Variants in MAPKAP1 observed in about 807,000 individuals in gnomAD.
The protein encoded by MAPKAP1 is target of rapamycin complex 2 subunit MAPKAP1.
MAPKAP1 carries 20 observed loss-of-function variants against 65.7 expected under a neutral mutation model. That is an observed-to-expected ratio of 0.30 (90% CI 0.21 to 0.44). The LOEUF (loss-of-function observed/expected upper bound fraction) is 0.44, where lower values mean the gene tolerates loss of function less well. MAPKAP1 is among the 20% of genes least tolerant of loss of function. The pLI is 1.00. For missense variants in MAPKAP1, 423 were observed against 648.0 expected (o/e 0.65, Z 3.77); for synonymous variants, 222 against 244.3 (o/e 0.91, Z 0.85).
In MAPKAP1 at chr9:125,506,416, G is replaced by T; in HGVS notation, c.960C>A (p.Gly320=). The part of the protein sequence containing the change: ...KRRKGSQKVS[G]PQYRLEKQSE... ...TCTGCTTCTCCAGGCGGTACTGAGG[G>T]CCTGGAAGATCAAAGGGGCAGGAGG... is the stretch of plus-strand genomic sequence containing the variant. The change falls in exon 8 of 12, where the codon GGC becomes GGA. Residue 320 remains glycine (G), a splice_region_variant and synonymous_variant. Transcript: ENST00000265960. 2 of 1,613,842 alleles carry T rather than the reference G, an allele frequency of 1.2e-6. No homozygotes were observed. Among genetic ancestry groups the T allele is most frequent in the Non-Finnish European group, 1.7e-6 (2 of 1,179,818 alleles).
At position 125,439,278 on chromosome 9, in the gene MAPKAP1, G is replaced by A. The variant is rs375717413; in HGVS notation, c.1444-266C>T. Among the ~76,000 whole-genome samples the A allele has an allele frequency of 2.0e-5, 3 of 152,252 alleles. No homozygotes were observed. The highest frequency in any genetic ancestry group is 7.2e-5 in the African/African-American group (3 of 41,474). ...GTGAGCGGCGAGCTCTTCAGGTTCC[G>A]GAGCCCATGCTCCCTCCTGGCGTGA... On this transcript the variant is annotated intron_variant, in intron 11 of 11. Transcript: ENST00000265960. This position sits in a 1 kb window ranked among gnomAD's most constrained non-coding sequence, Gnocchi z 4.0.
chr9:125,448,937 G>A (rs1029086310), intron 10 of MAPKAP1, among the ~76,000 whole-genome samples: 5 of 151,088 alleles, frequency 3.3e-5, no homozygotes, highest in African/African-American at 1.2e-4. Flanking sequence ...CCCAGGAGGC[G>A]GAGGTTGCAG....
chr9:125,456,319 C>T (rs1050466183), intron 10 of MAPKAP1, among the ~76,000 whole-genome samples: 6 of 152,194 alleles, frequency 3.9e-5, no homozygotes, highest in Non-Finnish European at 7.3e-5. Flanking sequence ...CCCTCCATCA[C>T]CAAGACTACA....
At chr9:125,620,154 C>T (rs1312807547) in intron 4 of MAPKAP1, among the ~76,000 whole-genome samples, 1 of 152,150 alleles carries the variant, frequency 6.6e-6, no homozygotes, top group East Asian at 1.9e-4. Flanking sequence ...ACTAAAAATG[C>T]AAAAATTATC....
intron 7 of MAPKAP1, chr9:125,521,771 G>C (rs779738806): frequency 6.2e-7 from 1 of 1,611,814 alleles, no homozygotes. Flanking sequence ...AGCACCTAAG[G>C]ACAAAAAACA....
intron 3 of MAPKAP1, among the ~76,000 whole-genome samples, chr9:125,664,336 AAACT>A (rs140180306): frequency 0.052 from 7,734 of 148,988 alleles, 512 homozygotes; most frequent in East Asian, 0.2. Flanking sequence ...AATAAGAGTA[AAACT>A]CCGTCTCAAA....
At chr9:125,606,357 A>G (rs1832439494) in intron 4 of MAPKAP1, among the ~76,000 whole-genome samples, 1 of 152,234 alleles carries the variant, frequency 6.6e-6, no homozygotes, top group Admixed American at 6.5e-5. Context: ...GGCTGTCCTC[A>G]TATCCCTTCT....
chr9:125,480,684 T>C (rs1357122925), intron 9 of MAPKAP1, among the ~76,000 whole-genome samples: 2 of 152,066 alleles, frequency 1.3e-5, no homozygotes, highest in African/African-American at 4.8e-5. Context: ...TAGAATATGC[T>C]TCTATGGGCC....
At chr9:125,559,098 TTAAA>T (rs1217111924) in intron 6 of MAPKAP1, 1 of 152,276 alleles carries the variant, frequency 6.6e-6, no homozygotes, top group East Asian at 1.9e-4. Context: ...TCTGATAACT[TTAAA>T]TAACAGAATA....
At chr9:125,604,058 C>G (rs74339875) in intron 4 of MAPKAP1, among the ~76,000 whole-genome samples, 1 of 152,288 alleles carries the variant, frequency 6.6e-6, no homozygotes, top group Middle Eastern at 3.4e-3. Flanking sequence ...ATTTGCTTCC[C>G]TAAAAGGCTC....
At chr9:125,698,299 A>G (rs1835472263) in intron 1 of MAPKAP1, among the ~76,000 whole-genome samples, 1 of 13,368 alleles carries the variant, frequency 7.5e-5, no homozygotes, top group African/African-American at 3.2e-4. Context: ...ATATATATAT[A>G]TATATATATA....
At chr9:125,689,644 C>G (rs575853684) in intron 1 of MAPKAP1, among the ~76,000 whole-genome samples, 6 of 144,884 alleles carry the variant, frequency 4.1e-5, no homozygotes, top group Non-Finnish European at 9.0e-5. Flanking sequence ...GAGGCTGAGG[C>G]GTGAGAATCA....
chr9:125,682,044 G>C (rs139398756), intron 1 of MAPKAP1, among the ~76,000 whole-genome samples: 2 of 152,160 alleles, frequency 1.3e-5, no homozygotes, highest in African/African-American at 4.8e-5. Flanking sequence ...TCACAGGCAT[G>C]AGCCACTGTG....
At chr9:125,663,699 C>G (rs149139020) in intron 3 of MAPKAP1, among the ~76,000 whole-genome samples, 1 of 152,060 alleles carries the variant, frequency 6.6e-6, no homozygotes, top group Non-Finnish European at 1.5e-5. Context: ...GAAGGGAGGA[C>G]AGAGAGAGCA....
chr9:125,629,937 A>G (rs1226008311), intron 4 of MAPKAP1, among the ~76,000 whole-genome samples: 2 of 152,230 alleles, frequency 1.3e-5, no homozygotes, highest in Non-Finnish European at 2.9e-5. Flanking sequence ...ATTTATAAAC[A>G]TATTTAAATG....
At chr9:125,454,069 G>A (rs187502382) in intron 10 of MAPKAP1, among the ~76,000 whole-genome samples, 1 of 152,310 alleles carries the variant, frequency 6.6e-6, no homozygotes, top group African/African-American at 2.4e-5. Flanking sequence ...CAAACAACTG[G>A]TTCAGCTTGC....
intron 7 of MAPKAP1, among the ~76,000 whole-genome samples, chr9:125,540,040 T>A (rs368150437): frequency 6.6e-6 from 1 of 152,198 alleles, no homozygotes; most frequent in Non-Finnish European, 1.5e-5. Flanking sequence ...GATGAAATAA[T>A]TACAAATAAT....
chr9:125,468,171 G>T, intron 9 of MAPKAP1, 62 bp from the exon 10 acceptor site: 1 of 1,534,232 alleles, frequency 6.5e-7, no homozygotes, highest in Non-Finnish European at 8.9e-7. Context: ...AGTGATTTCA[G>T]GGAAATCATT....
At chr9:125,621,254 A>ATCTCAGCTCACTGC (rs1832889650) in intron 4 of MAPKAP1, among the ~76,000 whole-genome samples, 1 of 152,118 alleles carries the variant, frequency 6.6e-6, no homozygotes, top group East Asian at 1.9e-4. Flanking sequence ...CCTGGGAGCC[A>ATCTCAGCTCACTGC]AAGCAAGACA....
Sources: gnomAD v4.1 joint callset for allele counts (sites outside exome capture counted in the v4.1 genomes callset) on GRCh38, gnomAD v4.1.1 for gene constraint, Gnocchi (gnomAD v3.1) non-coding constraint, MANE v1.5 for transcripts, NCBI Gene and HGNC (gene_info 2026-07-23, HGNC 2026-07-21) for gene names.